CAMKMT: variants seen among roughly 807,000 people sequenced by gnomAD.
CAMKMT encodes CaM KMT.
Under a neutral mutation model 48.0 loss-of-function variants are expected in CAMKMT, and 53 were observed. The observed-to-expected ratio is 1.10, with a 90% CI of 0.89 to 1.39. CAMKMT has a LOEUF of 1.39. Ranked by LOEUF, CAMKMT falls within the 40% of genes most tolerant of loss-of-function variation. The pLI, the probability that CAMKMT is intolerant of heterozygous loss-of-function variation, is 0.00. For missense variants in CAMKMT, 428 were observed against 402.7 expected (o/e 1.06, Z -0.54); for synonymous variants, 165 against 152.3 (o/e 1.08, Z -0.61).
intron 3 of CAMKMT, among the ~76,000 whole-genome samples, chr2:44,511,352 C>A (rs552262622): frequency 2.0e-5 from 3 of 152,260 alleles, no homozygotes; most frequent in Admixed American, 2.0e-4. Context: ...ACAATGGCGC[C>A]ATCTCGGCTC....
intron 2 of CAMKMT, among the ~76,000 whole-genome samples, chr2:44,388,138 A>G (rs530914769): frequency 1.4e-4 from 22 of 152,196 alleles, no homozygotes; most frequent in African/African-American, 5.3e-4. Context: ...CCTCAGGAAC[A>G]CCGATTATTC....
intron 3 of CAMKMT, among the ~76,000 whole-genome samples, chr2:44,453,566 T>C (rs1667405957): frequency 6.6e-6 from 1 of 152,108 alleles, no homozygotes; most frequent in African/African-American, 2.4e-5. Context: ...GCAATGAAAT[T>C]CAGCTAGTGG....
chr2:44,680,557 T>A (rs1020000140), intron 3 of CAMKMT, among the ~76,000 whole-genome samples: 3 of 152,204 alleles, frequency 2.0e-5, no homozygotes, highest in Non-Finnish European at 4.4e-5. Flanking sequence ...ATTCGTCACA[T>A]GTGAGGAAAA....
intron 3 of CAMKMT, among the ~76,000 whole-genome samples, chr2:44,675,208 C>T (rs900003341): frequency 4.6e-5 from 7 of 152,178 alleles, no homozygotes; most frequent in Admixed American, 6.5e-5. Context: ...AATCTGTGTT[C>T]CTTGCCTCCT....
At chr2:44,590,533 T>G (rs1572870440) in intron 3 of CAMKMT, among the ~76,000 whole-genome samples, 2 of 152,314 alleles carry the variant, frequency 1.3e-5, no homozygotes, top group East Asian at 1.9e-4. Context: ...TTTCATGTGT[T>G]TTTTGGCTGC....
intron 3 of CAMKMT, among the ~76,000 whole-genome samples, chr2:44,626,247 G>A (rs1050104811): frequency 7.2e-5 from 11 of 152,102 alleles, no homozygotes; most frequent in Non-Finnish European, 1.0e-4. Context: ...CACCCACTCC[G>A]ATGTGCATAA....
At chr2:44,710,582 A>G (rs1452118981) in intron 6 of CAMKMT, among the ~76,000 whole-genome samples, 2 of 152,082 alleles carry the variant, frequency 1.3e-5, no homozygotes, top group African/African-American at 2.4e-5. Flanking sequence ...CCAGTTCTCA[A>G]ATTTATTCTA....
intron 3 of CAMKMT, among the ~76,000 whole-genome samples, chr2:44,513,602 C>A (rs892442882): frequency 2.6e-5 from 4 of 152,152 alleles, no homozygotes; most frequent in Admixed American, 2.6e-4. Flanking sequence ...GAGCTCCTCT[C>A]GGGACCATAG....
chr2:44,663,696 C>T (rs1674802341), intron 3 of CAMKMT, among the ~76,000 whole-genome samples: 1 of 152,150 alleles, frequency 6.6e-6, no homozygotes, highest in South Asian at 2.1e-4. Context: ...TTGCCTATAA[C>T]ATTTTATTGT....
chr2:44,422,696 C>CTT (rs76922823), intron 3 of CAMKMT, among the ~76,000 whole-genome samples: 2 of 144,832 alleles, frequency 1.4e-5, no homozygotes, highest in Non-Finnish European at 3.0e-5. Context: ...ACATAAATTT[C>CTT]TTTTTTTTTT....
chr2:44,400,930 GTATATATA>G (rs755352747), intron 3 of CAMKMT: 4 of 64,252 alleles, frequency 6.2e-5, no homozygotes, highest in Admixed American at 1.4e-4. Context: ...TTATGTGTGT[GTATATATA>G]TATATATATA....
chr2:44,508,857 A>G (rs1572677167), intron 3 of CAMKMT, among the ~76,000 whole-genome samples: 1 of 152,160 alleles, frequency 6.6e-6, no homozygotes, highest in Admixed American at 6.5e-5. Flanking sequence ...GCACTCCGGG[A>G]GGCCAAGGCA....
At chr2:44,582,942 G>T (rs1219547692) in intron 3 of CAMKMT, among the ~76,000 whole-genome samples, 2 of 151,988 alleles carry the variant, frequency 1.3e-5, no homozygotes, top group Non-Finnish European at 2.9e-5. Context: ...TTATCTTTTG[G>T]CTGCTGAAAT....
rs750107198 is a variant in CAMKMT at position 44,372,791 on chromosome 2, T to A, written c.214T>A (p.Ser72Thr). 2 of 1,613,808 alleles carry A rather than the reference T, an allele frequency of 1.2e-6. No individual in the cohort carries two copies. Among genetic ancestry groups the A allele is most frequent in the African/African-American group, 2.7e-5 (2 of 74,912 alleles). ...VRRFESFNLF[S>T]VTEGKERETE... ...AAGATTTGAATCATTTAATCTGTTTTCAGTAACAGAAGGCAAAGAAAGGGA... is the reference window on the plus strand; with the variant it reads ...AAGATTTGAATCATTTAATCTGTTTACAGTAACAGAAGGCAAAGAAAGGGA... Residue 72 changes from serine to threonine, a missense_variant, in exon 2 of 11, where the codon TCA (serine) becomes ACA (threonine). Physicochemically the swap from Ser to Thr is moderately conservative, Grantham distance 58. Coordinates refer to ENST00000378494, the MANE Select transcript of CAMKMT (RefSeq NM_024766.5).
At chr2:44,600,906 T>C (rs531190678) in intron 3 of CAMKMT, among the ~76,000 whole-genome samples, 1 of 152,232 alleles carries the variant, frequency 6.6e-6, no homozygotes, top group African/African-American at 2.4e-5. Context: ...AAGATGTGGC[T>C]AACAATTTTG....
rs531367589 is a variant in CAMKMT at position 44,418,827 on chromosome 2, G to A, written c.376+28522G>A. On this transcript the variant is annotated intron_variant, in intron 3 of 10. Coordinates refer to ENST00000378494, the MANE Select transcript of CAMKMT (RefSeq NM_024766.5). ...TGGCACTAAATTTGTAGCTGAATTT[G>A]GGGAGAATTGACATTTTAACAATAT... 3.6e-4 allele frequency among the ~76,000 whole-genome samples: 55 copies of A among 152,280 alleles called. No individual in the cohort carries two copies. In the South Asian group the frequency reaches 3.7e-3, roughly 10 times the overall value.
At chr2:44,683,505 A>G (rs1676137503) in intron 3 of CAMKMT, among the ~76,000 whole-genome samples, 5 of 152,152 alleles carry the variant, frequency 3.3e-5, no homozygotes, top group African/African-American at 1.2e-4. Context: ...ATAAATTGCA[A>G]TGTCTCTAAA....
chr2:44,561,297 C>T (rs192988013), intron 3 of CAMKMT, among the ~76,000 whole-genome samples: 1 of 152,278 alleles, frequency 6.6e-6, no homozygotes, highest in African/African-American at 2.4e-5. Context: ...AATAGATTAT[C>T]TGAATTCTCC....
chr2:44,689,264 T>TTTATTTATTTA, intron 3 of CAMKMT, among the ~76,000 whole-genome samples: 1 of 136,254 alleles, frequency 7.3e-6, no homozygotes, highest in South Asian at 2.5e-4. Context: ...CAGCACTATT[T>TTTATTTATTTA]TTTATTTATT....
Sources: allele counts gnomAD v4.1 joint callset (sites outside exome capture counted in the v4.1 genomes callset), GRCh38; gene constraint gnomAD v4.1.1; transcripts MANE v1.5; gene names NCBI Gene and HGNC (gene_info 2026-07-23, HGNC 2026-07-21).